Variants in KCNMA1 observed in about 807,000 individuals in gnomAD.
KCNMA1 encodes the protein potassium calcium-activated channel subfamily M alpha 1, also known as Calcium-activated potassium channel subunit alpha-1.
Under a neutral mutation model 140.0 loss-of-function variants are expected in KCNMA1, and 29 were observed. The observed-to-expected ratio is 0.21, with a 90% CI of 0.15 to 0.28. The LOEUF (loss-of-function observed/expected upper bound fraction) is 0.28, where lower values mean the gene tolerates loss of function less well. KCNMA1 is among the 10% of genes least tolerant of loss of function. The pLI is 1.00. For missense variants in KCNMA1, 880 were observed against 1,602.2 expected (o/e 0.55, Z 7.70); for synonymous variants, 612 against 611.9 (o/e 1.00, Z 0.00).
At chr10:77,501,622 C>G (rs375312282) in intron 1 of KCNMA1, among the ~76,000 whole-genome samples, 2 of 152,204 alleles carry the variant, frequency 1.3e-5, no homozygotes, top group African/African-American at 4.8e-5. Flanking sequence ...CCTCCTCCCC[C>G]TGGCAAGACT....
At chr10:77,245,236 G>A (rs2058294164) in intron 3 of KCNMA1, among the ~76,000 whole-genome samples, 1 of 152,220 alleles carries the variant, frequency 6.6e-6, no homozygotes, top group African/African-American at 2.4e-5. Context: ...ATTTCATAAA[G>A]GAACTGGTTA....
chr10:76,954,934 G>T (rs2067629771), intron 20 of KCNMA1, among the ~76,000 whole-genome samples: 1 of 152,140 alleles, frequency 6.6e-6, no homozygotes, highest in African/African-American at 2.4e-5. Flanking sequence ...TTGAATCATA[G>T]TCAATGTCCA....
At chr10:76,905,093 T>C (rs1025568009) in intron 25 of KCNMA1, 2 of 152,228 alleles carry the variant, frequency 1.3e-5, no homozygotes, top group Non-Finnish European at 2.9e-5. Context: ...TTTAAAATAT[T>C]GGCAACAAAT....
Position 77,018,852 on chromosome 10 carries a change from A to G in KCNMA1, c.2015+161T>C, listed in dbSNP as rs191535587. Among the ~76,000 whole-genome samples, 382 of 152,240 alleles carry G rather than the reference A, an allele frequency of 2.5e-3. 3 individuals carry two copies. Among genetic ancestry groups the G allele is most frequent in the Non-Finnish European group, 1.7e-3 (119 of 68,010 alleles). Reference sequence around the variant, plus strand: ...TTATTATTCTCATTCAAAGATGTGGAATTCACTACATGAACTGGAGTCCGT... The same window carrying G: ...TTATTATTCTCATTCAAAGATGTGGGATTCACTACATGAACTGGAGTCCGT... On this transcript the variant is annotated intron_variant, in intron 17 of 27. Coordinates refer to ENST00000286628, the MANE Select transcript of KCNMA1 (RefSeq NM_001161352.2).
intron 2 of KCNMA1, among the ~76,000 whole-genome samples, chr10:77,261,849 C>T (rs556871850): frequency 2.0e-5 from 3 of 152,282 alleles, no homozygotes; most frequent in African/African-American, 7.2e-5. Flanking sequence ...GTTCCATCTG[C>T]TGGTGGAGCG....
intron 10 of KCNMA1, among the ~76,000 whole-genome samples, chr10:77,088,965 G>A (rs1347121052): frequency 6.6e-6 from 1 of 152,168 alleles, no homozygotes; most frequent in African/African-American, 2.4e-5. Flanking sequence ...TTGCATGTGT[G>A]TTCATCTTGA....
chr10:76,984,207 T>TG (rs1486289008), intron 19 of KCNMA1, among the ~76,000 whole-genome samples: 1 of 151,656 alleles, frequency 6.6e-6, no homozygotes, highest in Non-Finnish European at 1.5e-5. Context: ...TTTACTTTTT[T>TG]TTTTTGAGAC....
chr10:77,624,045 A>G (rs996563246), intron 1 of KCNMA1, among the ~76,000 whole-genome samples: 4 of 152,170 alleles, frequency 2.6e-5, no homozygotes, highest in Non-Finnish European at 5.9e-5. Context: ...TTTAGGAATC[A>G]TCCCTTCAGA....
intron 2 of KCNMA1, among the ~76,000 whole-genome samples, chr10:77,327,304 C>T (rs2084572415): frequency 6.6e-6 from 1 of 151,246 alleles, no homozygotes; most frequent in South Asian, 2.1e-4. Context: ...GAATCCCAAG[C>T]AGAAGAGGAG....
chr10:77,295,022 G>A (rs982264852), intron 2 of KCNMA1, among the ~76,000 whole-genome samples: 5 of 152,148 alleles, frequency 3.3e-5, no homozygotes, highest in African/African-American at 1.2e-4. Context: ...TTTAAAGGCA[G>A]GTATATAGGT....
chr10:77,453,101 C>G (rs1020136609), intron 1 of KCNMA1, among the ~76,000 whole-genome samples: 1 of 152,068 alleles, frequency 6.6e-6, no homozygotes, highest in African/African-American at 2.4e-5. Flanking sequence ...GTAAAGGAAA[C>G]GTTTCAGGTT....
intron 3 of KCNMA1, among the ~76,000 whole-genome samples, chr10:77,231,762 T>C (rs1431846446): frequency 2.0e-5 from 3 of 152,238 alleles, no homozygotes; most frequent in East Asian, 3.9e-4. Flanking sequence ...TTCCTTGCTT[T>C]TGTCTTTCCC....
intron 2 of KCNMA1, among the ~76,000 whole-genome samples, chr10:77,266,318 T>C (rs963369045): frequency 3.9e-5 from 6 of 152,194 alleles, no homozygotes; most frequent in African/African-American, 1.4e-4. Flanking sequence ...CCCAGGGTCA[T>C]GACTCTGTCT....
intron 14 of KCNMA1, among the ~76,000 whole-genome samples, chr10:77,062,901 TGTA>T (rs2095807154): frequency 6.6e-6 from 1 of 152,182 alleles, no homozygotes; most frequent in Non-Finnish European, 1.5e-5. Context: ...CCAATGATGT[TGTA>T]GCGTTCTGGC....
chr10:77,177,655 TG>T (rs2098764597), intron 5 of KCNMA1, among the ~76,000 whole-genome samples: 1 of 152,036 alleles, frequency 6.6e-6, no homozygotes, highest in Admixed American at 6.6e-5. Context: ...GTACACACCA[TG>T]CTCCACACAT....
At chr10:77,276,112 G>C (rs760466065) in intron 2 of KCNMA1, among the ~76,000 whole-genome samples, 3 of 152,162 alleles carry the variant, frequency 2.0e-5, no homozygotes, top group Non-Finnish European at 4.4e-5. Context: ...GCTTAACCAG[G>C]CTGCTGCATC....
At chr10:77,278,154 T>G (rs75500575) in intron 2 of KCNMA1, among the ~76,000 whole-genome samples, 3,842 of 152,244 alleles carry the variant, frequency 0.025, 150 homozygotes, top group African/African-American at 0.088. Context: ...GGAAAAGAAT[T>G]TTCTCAGACC....
chr10:77,498,384 T>C (rs1473803419), intron 1 of KCNMA1, among the ~76,000 whole-genome samples: 1 of 152,224 alleles, frequency 6.6e-6, no homozygotes, highest in Non-Finnish European at 1.5e-5. Flanking sequence ...GGCAGGGGCT[T>C]GTCCCTGACA....
intron 19 of KCNMA1, among the ~76,000 whole-genome samples, chr10:76,998,443 A>G (rs914273599): frequency 2.0e-5 from 3 of 152,198 alleles, no homozygotes; most frequent in Non-Finnish European, 4.4e-5. Context: ...CAAGCTCCAT[A>G]ATAGTATAAT....
Sources: gnomAD v4.1 joint callset for allele counts (sites outside exome capture counted in the v4.1 genomes callset) on GRCh38, gnomAD v4.1.1 for gene constraint, MANE v1.5 for transcripts, NCBI Gene and HGNC (gene_info 2026-07-23, HGNC 2026-07-21) for gene names.